The following EPC2 variants were observed in gnomAD, a reference collection of about 807,000 sequenced individuals.
The protein encoded by EPC2 is enhancer of polycomb homolog 2.
In EPC2, 14 loss-of-function variants were observed where a neutral mutation model predicts 92.1. That is an observed-to-expected ratio of 0.15 (90% confidence interval 0.10 to 0.24). The LOEUF is 0.24. Ranked by LOEUF, EPC2 falls within the 10% of genes least tolerant of loss-of-function variation. The pLI is 1.00. For missense variants in EPC2, 755 were observed against 971.5 expected (o/e 0.78, Z 2.96); for synonymous variants, 340 against 334.7 (o/e 1.02, Z -0.17).
chr2:148,757,873 T>TATAAA (rs985921844), intron 4 of EPC2, among the ~76,000 whole-genome samples: 1 of 151,660 alleles, frequency 6.6e-6, no homozygotes, highest in Non-Finnish European at 1.5e-5. Context: ...TAAAATACTG[T>TATAAA]ATAAAATAAA....
At chr2:148,710,794 A>G (rs181570882) in intron 2 of EPC2, among the ~76,000 whole-genome samples, 1 of 152,202 alleles carries the variant, frequency 6.6e-6, no homozygotes, top group Non-Finnish European at 1.5e-5. Context: ...GGAATTGAAC[A>G]ATGGGAACAC....
At chr2:148,647,866 T>C (rs1683837206) in intron 1 of EPC2, among the ~76,000 whole-genome samples, 1 of 150,690 alleles carries the variant, frequency 6.6e-6, no homozygotes, top group Non-Finnish European at 1.5e-5. Flanking sequence ...CTCTTGACTC[T>C]TGCTCCACCT....
At chr2:148,734,372 T>G (rs1682708706) in intron 2 of EPC2, among the ~76,000 whole-genome samples, 1 of 152,172 alleles carries the variant, frequency 6.6e-6, no homozygotes, top group African/African-American at 2.4e-5. Flanking sequence ...AAGTACTTTT[T>G]TTTTTGCAAT....
At chr2:148,689,181 A>ATT (rs754482607) in intron 1 of EPC2, among the ~76,000 whole-genome samples, 1 of 145,310 alleles carries the variant, frequency 6.9e-6, no homozygotes, top group African/African-American at 2.5e-5. Flanking sequence ...ATTGAGTGAA[A>ATT]TTTTTTTTTT....
At chr2:148,767,423 G>T (rs778021711) in intron 7 of EPC2, among the ~76,000 whole-genome samples, 4 of 151,856 alleles carry the variant, frequency 2.6e-5, no homozygotes, top group South Asian at 2.1e-4. Context: ...AAACTTTTAG[G>T]TTCTTCTGAT....
At chr2:148,776,422 C>G (rs767624853) in intron 10 of EPC2, among the ~76,000 whole-genome samples, 3 of 151,924 alleles carry the variant, frequency 2.0e-5, no homozygotes, top group Non-Finnish European at 4.4e-5. Flanking sequence ...TTCTTCATTC[C>G]CCAACCCCCC....
chr2:148,686,376 A>G (rs912103244), intron 1 of EPC2, among the ~76,000 whole-genome samples: 2 of 152,224 alleles, frequency 1.3e-5, no homozygotes, highest in Non-Finnish European at 2.9e-5. Context: ...CATTTCCACT[A>G]CATCTTCAGT....
intron 2 of EPC2, among the ~76,000 whole-genome samples, chr2:148,741,966 CAT>C (rs1450156223): frequency 1.3e-5 from 2 of 152,182 alleles, no homozygotes; most frequent in Non-Finnish European, 1.5e-5. Flanking sequence ...TTTTAAAACA[CAT>C]ATATTAGTGC....
intron 2 of EPC2, among the ~76,000 whole-genome samples, chr2:148,737,469 G>A (rs375994933): frequency 1.3e-5 from 2 of 152,070 alleles, no homozygotes; most frequent in South Asian, 4.1e-4. Context: ...GCTGGAGATG[G>A]AGGAGTGGGA....
intron 7 of EPC2, among the ~76,000 whole-genome samples, chr2:148,768,532 C>T (rs993593810): frequency 1.3e-5 from 2 of 152,156 alleles, no homozygotes; most frequent in Admixed American, 1.3e-4. Context: ...CTTATCTCTT[C>T]TCTATAACCA....
At position 148,754,106 on chromosome 2, in the gene EPC2, A is replaced by G. The variant is rs2105416706; in HGVS notation, c.639A>G (p.Arg213=). 6.2e-7 allele frequency: 1 copy of G among 1,606,152 alleles called. No individual in the cohort carries two copies. The highest frequency in any genetic ancestry group is 8.5e-7 in the Non-Finnish European group (1 of 1,176,276). The stretch of plus-strand genomic sequence containing the variant: ...ATGACCCTTATGTTGCCTTTCGGAG[A>G]AGAACAGAGAAAATGCAAACTCGAA... ...TNNDPYVAFR[R]RTEKMQTRKN... The change falls in exon 4 of 14, where the codon AGA becomes AGG. Residue 213 remains arginine (R), a synonymous_variant. Coordinates refer to ENST00000258484, the MANE Select transcript of EPC2 (RefSeq NM_015630.4).
chr2:148,660,230 A>G (rs1002270050), intron 1 of EPC2, among the ~76,000 whole-genome samples: 9 of 152,120 alleles, frequency 5.9e-5, no homozygotes, highest in Non-Finnish European at 1.2e-4. Flanking sequence ...TGTTTTTTAA[A>G]ATCTATTTCA....
At chr2:148,653,583 T>G (rs6707290) in intron 1 of EPC2, among the ~76,000 whole-genome samples, 146,806 of 152,280 alleles carry the variant, frequency 0.96, 70,991 homozygotes, top group Middle Eastern at 1. Context: ...GTATCTGTCT[T>G]CTTTTAGGTT....
intron 1 of EPC2, among the ~76,000 whole-genome samples, chr2:148,659,829 A>G (rs921684897): frequency 2.0e-5 from 3 of 152,050 alleles, no homozygotes; most frequent in Admixed American, 2.0e-4. Context: ...GGACATTAAC[A>G]CAGCACAGGA....
At chr2:148,731,024 C>G (rs1393453425) in intron 2 of EPC2, among the ~76,000 whole-genome samples, 5 of 152,116 alleles carry the variant, frequency 3.3e-5, no homozygotes, top group African/African-American at 9.7e-5. Flanking sequence ...TAAGGATATC[C>G]TCTCTGCTTT....
intron 2 of EPC2, chr2:148,692,881 A>C (rs1199028855): frequency 6.6e-6 from 1 of 152,146 alleles, no homozygotes; most frequent in Non-Finnish European, 1.5e-5. Flanking sequence ...AAAAACAATA[A>C]AAATAATAGA....
chr2:148,719,484 G>A (rs1224872330), intron 2 of EPC2, among the ~76,000 whole-genome samples: 1 of 152,170 alleles, frequency 6.6e-6, no homozygotes, highest in Non-Finnish European at 1.5e-5. Context: ...TCACTCTTCT[G>A]TAGGGCTGCT....
At chr2:148,708,871 A>G (rs535784394) in intron 2 of EPC2, among the ~76,000 whole-genome samples, 3 of 152,324 alleles carry the variant, frequency 2.0e-5, no homozygotes, top group South Asian at 4.1e-4. Flanking sequence ...ATTTATGACA[A>G]ACCCACAGCC....
intron 2 of EPC2, among the ~76,000 whole-genome samples, chr2:148,709,371 C>T (rs551180716): frequency 6.6e-6 from 1 of 152,342 alleles, no homozygotes; most frequent in South Asian, 2.1e-4. Context: ...AAGAACATCC[C>T]ATGCTCATGG....
Sources: gnomAD v4.1 joint callset for allele counts (sites outside exome capture counted in the v4.1 genomes callset) on GRCh38, gnomAD v4.1.1 for gene constraint, MANE v1.5 for transcripts, NCBI Gene and HGNC (gene_info 2026-07-23, HGNC 2026-07-21) for gene names.